Variants in DENND5B observed in about 807,000 individuals in gnomAD.
DENND5B encodes the protein DENN domain containing 5B, also known as DENN domain-containing protein 5B.
A neutral mutation model predicts 140.6 loss-of-function variants in DENND5B; 34 were observed. That is an observed-to-expected ratio of 0.24 (90% confidence interval 0.18 to 0.32). DENND5B has a LOEUF of 0.32. Among genes scored for constraint, DENND5B ranks in the 10% least tolerant of loss-of-function variants. The probability of loss-of-function intolerance (pLI) is 1.00; values close to 1 mark genes in which losing one functional copy is unlikely to be tolerated. For missense variants in DENND5B, 1,142 were observed against 1,560.2 expected (o/e 0.73, Z 4.52); for synonymous variants, 551 against 562.1 (o/e 0.98, Z 0.28).
At chr12:31,412,817 G>A (rs936746219) in intron 13 of DENND5B, among the ~76,000 whole-genome samples, 5 of 152,142 alleles carry the variant, frequency 3.3e-5, no homozygotes, top group Non-Finnish European at 7.3e-5. Context: ...TACAATATAA[G>A]GTTTATACAA....
chr12:31,570,716 T>A (rs1565706475), intron 1 of DENND5B, among the ~76,000 whole-genome samples: 1 of 152,082 alleles, frequency 6.6e-6, no homozygotes, highest in Non-Finnish European at 1.5e-5. Flanking sequence ...TTGATAGGTT[T>A]AAAGAAAATG....
intron 6 of DENND5B, 125 bp from the exon 7 acceptor site, chr12:31,443,050 G>GTC (rs1944112659): frequency 1.3e-6 from 1 of 792,930 alleles, no homozygotes; most frequent in East Asian, 2.7e-5. Flanking sequence ...GATATTGTGT[G>GTC]TGTGTGTGTG....
At chr12:31,517,523 A>G (rs1947706789) in intron 1 of DENND5B, among the ~76,000 whole-genome samples, 1 of 152,244 alleles carries the variant, frequency 6.6e-6, no homozygotes. Context: ...TGAACTGATA[A>G]AAGAAACAAT....
chr12:31,400,848 T>G (rs1941754679), intron 15 of DENND5B, among the ~76,000 whole-genome samples: 1 of 21,048 alleles, frequency 4.8e-5, no homozygotes. Context: ...TTTTTTTTTT[T>G]TGTTTTTTTT....
intron 18 of DENND5B, 31 bp from the exon 19 acceptor site, chr12:31,392,424 A>C: frequency 6.2e-7 from 1 of 1,608,428 alleles, no homozygotes; most frequent in Non-Finnish European, 8.5e-7. Flanking sequence ...TGCCAAAGAA[A>C]AATCTCCTGC....
chr12:31,558,855 T>C lies in DENND5B; in HGVS notation c.127+31851A>G, dbSNP rs186359483. Among the ~76,000 whole-genome samples the C allele has an allele frequency of 2.0e-5, 3 of 152,312 alleles. No homozygotes were observed. The East Asian group carries it at 5.8e-4, about 29-fold the overall frequency. On this transcript the variant is annotated intron_variant, in intron 1 of 20. Transcript: ENST00000389082. ...TTCAGGAATATAGCCAGATAAATGA[T>C]TTTTACTAACAAATGCAACTAACAC...
At chr12:31,420,468 G>A (rs1942969341) in intron 11 of DENND5B, among the ~76,000 whole-genome samples, 1 of 146,464 alleles carries the variant, frequency 6.8e-6, no homozygotes, top group Admixed American at 6.9e-5. Context: ...TTTTGAGACA[G>A]CATCTTGCTC....
intron 11 of DENND5B, 65 bp downstream of exon 11, chr12:31,423,532 A>C (rs1943115797): frequency 2.0e-6 from 3 of 1,525,566 alleles, no homozygotes; most frequent in African/African-American, 1.4e-5. Context: ...GATCAAGACA[A>C]GGCCAAATAG....
At chr12:31,503,562 T>C (rs528122574) in intron 1 of DENND5B, among the ~76,000 whole-genome samples, 2 of 152,208 alleles carry the variant, frequency 1.3e-5, no homozygotes, top group South Asian at 2.1e-4. Context: ...AAACAAACAA[T>C]TGACACTGAA....
intron 1 of DENND5B, among the ~76,000 whole-genome samples, chr12:31,503,303 T>TAATC (rs1947080880): frequency 1.3e-5 from 2 of 152,204 alleles, no homozygotes; most frequent in Non-Finnish European, 2.9e-5. Flanking sequence ...CTCATGCCTG[T>TAATC]AATCCTAGCA....
chr12:31,485,941 C>A (rs1004240737), intron 2 of DENND5B, among the ~76,000 whole-genome samples: 6 of 152,308 alleles, frequency 3.9e-5, no homozygotes, highest in Admixed American at 3.9e-4. Context: ...TGATTTCAGT[C>A]CTCAGACTTC....
intron 1 of DENND5B, among the ~76,000 whole-genome samples, chr12:31,500,895 T>C (rs1201576901): frequency 6.6e-6 from 1 of 152,066 alleles, no homozygotes. Flanking sequence ...CAGAACCCCA[T>C]AACTCCAGTC....
intron 8 of DENND5B, among the ~76,000 whole-genome samples, chr12:31,427,288 C>T (rs1565567733): frequency 6.6e-6 from 1 of 152,002 alleles, no homozygotes; most frequent in East Asian, 1.9e-4. Context: ...TGTGCTCTCT[C>T]TCTTCTTTCT....
chr12:31,509,792 C>T (rs182150526), intron 1 of DENND5B, among the ~76,000 whole-genome samples: 1 of 152,226 alleles, frequency 6.6e-6, no homozygotes, highest in African/African-American at 2.4e-5. Flanking sequence ...CAGCAGTACA[C>T]AAGTTGCAGT....
chr12:31,423,825 T>C (rs910451799), intron 10 of DENND5B, 150 bp from the exon 11 acceptor site: 1 of 722,670 alleles, frequency 1.4e-6, no homozygotes, highest in East Asian at 2.7e-5. Flanking sequence ...GAGCATCTTC[T>C]GCATGTATCA....
intron 1 of DENND5B, among the ~76,000 whole-genome samples, chr12:31,551,693 T>C (rs1174883660): frequency 9.9e-5 from 15 of 152,210 alleles, no homozygotes; most frequent in African/African-American, 2.4e-5. Context: ...TTCCTACCCA[T>C]GAGCATGGAA....
At position 31,516,336 on chromosome 12, in the gene DENND5B, T is replaced by C. The variant is rs538410496; in HGVS notation, c.128-20417A>G. On this transcript the variant is annotated intron_variant, in intron 1 of 20. Transcript: ENST00000389082. ...ACAAAAAATATAAAAATTAGACAGC[T>C]GTGGTGGTGCACACCTATAGTCCCA... Among the ~76,000 whole-genome samples, 3 of 151,976 alleles carry C rather than the reference T, an allele frequency of 2.0e-5. No individual in the cohort carries two copies. In the East Asian group the frequency reaches 5.8e-4, roughly 30 times the overall value.
rs1020968091 is a variant in DENND5B at position 31,513,590 on chromosome 12, C to T, written c.128-17671G>A. On this transcript the variant is annotated intron_variant, in intron 1 of 20. Coordinates refer to ENST00000389082, the MANE Select transcript of DENND5B (RefSeq NM_144973.4). ...CTGCTCAGTGTGTTCCAGTTTGGGCCATTTACAACTCTTTTATTTGGCTCC... is the reference window on the plus strand; with the variant it reads ...CTGCTCAGTGTGTTCCAGTTTGGGCTATTTACAACTCTTTTATTTGGCTCC... 2.0e-5 allele frequency among the ~76,000 whole-genome samples: 3 copies of T among 152,182 alleles called. No homozygotes were observed. The East Asian group carries it at 5.8e-4, about 29-fold the overall frequency.
rs527964483 is a variant in DENND5B, at chr12:31,466,897, A to C, written c.905-6516T>G. Among the ~76,000 whole-genome samples, 3 of 152,200 alleles carry C rather than the reference A, an allele frequency of 2.0e-5. No homozygotes were observed. In the South Asian group the frequency reaches 6.2e-4, roughly 32 times the overall value. On this transcript the variant is annotated intron_variant, in intron 3 of 20. Coordinates refer to ENST00000389082, the MANE Select transcript of DENND5B (RefSeq NM_144973.4). ...ATTCAGATAAATCAGTCAAAATATC[A>C]CACACCAAAGACAGAAAATCTTAAA...
Sources: gnomAD v4.1 joint callset for allele counts (sites outside exome capture counted in the v4.1 genomes callset) on GRCh38, gnomAD v4.1.1 for gene constraint, MANE v1.5 for transcripts, NCBI Gene and HGNC (gene_info 2026-07-23, HGNC 2026-07-21) for gene names.